PDE1C: variants seen among roughly 807,000 people sequenced by gnomAD.
PDE1C encodes dual specificity calcium/calmodulin-dependent 3',5'-cyclic nucleotide phosphodiesterase 1C.
Under a neutral mutation model 93.1 loss-of-function variants are expected in PDE1C, and 62 were observed. The observed-to-expected ratio is 0.67, with a 90% CI of 0.54 to 0.82. The LOEUF (loss-of-function observed/expected upper bound fraction) is 0.82. Ranked by LOEUF, PDE1C falls within the 40% of genes least tolerant of loss-of-function variation. PDE1C has a pLI of 0.00. For missense variants in PDE1C, 742 were observed against 884.6 expected, an observed-to-expected ratio of 0.84 and a Z score of 2.04; for synonymous variants, 325 against 310.1, an observed-to-expected ratio of 1.05 and a Z score of -0.50.
intron 2 of PDE1C, among the ~76,000 whole-genome samples, chr7:31,923,957 CT>C (rs1373473586): frequency 4.6e-5 from 7 of 152,162 alleles, no homozygotes; most frequent in African/African-American, 1.7e-4. Flanking sequence ...CTAAGATGAA[CT>C]TTTTTTCTAT....
intron 2 of PDE1C, among the ~76,000 whole-genome samples, chr7:31,897,869 TA>T (rs1324840033): frequency 6.6e-6 from 1 of 152,148 alleles, no homozygotes; most frequent in Non-Finnish European, 1.5e-5. Flanking sequence ...TAAATATATA[TA>T]TTTTTTCCTT....
chr7:32,245,801 C>A (rs558509918), intron 1 of PDE1C, among the ~76,000 whole-genome samples: 93 of 152,196 alleles, frequency 6.1e-4, no homozygotes, highest in Non-Finnish European at 1.1e-3. Flanking sequence ...TTGCTGTGTC[C>A]TCACATGGTG....
At chr7:31,714,479 C>T in the PDE1C span, among the ~76,000 whole-genome samples, 1 of 152,344 alleles carries the variant, frequency 6.6e-6, no homozygotes, top group South Asian at 2.1e-4. Flanking sequence ...ACCTGTTACC[C>T]AGTTCCAAAG....
At chr7:32,331,373 T>C (rs2128077090) in intron 1 of PDE1C, among the ~76,000 whole-genome samples, 1 of 152,310 alleles carries the variant, frequency 6.6e-6, no homozygotes, top group South Asian at 2.1e-4. Context: ...TCATGGAGTT[T>C]ACAGGTTAGT....
intron 2 of PDE1C, among the ~76,000 whole-genome samples, chr7:32,173,341 A>C (rs913823294): frequency 1.3e-5 from 2 of 152,098 alleles, no homozygotes; most frequent in South Asian, 4.2e-4. Flanking sequence ...GAGGAGAACA[A>C]CACACACCAG....
Position 32,139,342 on chromosome 7 carries a change from A to G in PDE1C, c.308+30443T>C, listed in dbSNP as rs980563285. Among the ~76,000 whole-genome samples the G allele has an allele frequency of 3.2e-5, 4 of 124,770 alleles. No homozygotes were observed. In the South Asian group the frequency reaches 1.0e-3, roughly 31 times the overall value. The allele number at this position is 124,770 out of a possible 152,430, so 81.9% of individuals were successfully genotyped here. On this transcript the variant is annotated intron_variant, in intron 3 of 18. Coordinates refer to the PDE1C transcript ENST00000396193. ...TTTTTTTTTGAGACCAAATCTTGCT[A>G]CATTGCCCAGGCTGGTCTCAAATCA...
At chr7:32,328,629 A>T (rs981958338) in intron 1 of PDE1C, among the ~76,000 whole-genome samples, 4 of 150,610 alleles carry the variant, frequency 2.7e-5, no homozygotes, top group Admixed American at 2.6e-4. Flanking sequence ...ACACAACCCC[A>T]TCCTCCACCC....
chr7:31,653,061 T>A, the PDE1C span: 1 of 1,073,078 alleles, frequency 9.3e-7, no homozygotes, highest in Non-Finnish European at 1.3e-6. Context: ...CAACAGTGAC[T>A]AAATAGTATA....
At chr7:32,195,482 T>G (rs1804547098) in intron 2 of PDE1C, among the ~76,000 whole-genome samples, 1 of 152,172 alleles carries the variant, frequency 6.6e-6, no homozygotes. Context: ...CTGTTCTCAT[T>G]CAAATTGTGT....
chr7:32,357,913 A>G (rs1383453534), intron 1 of PDE1C, among the ~76,000 whole-genome samples: 1 of 152,154 alleles, frequency 6.6e-6, no homozygotes, highest in Non-Finnish European at 1.5e-5. Context: ...CTTCATCTGG[A>G]GACTCAAAGT....
chr7:31,717,941 A>C, the PDE1C span, among the ~76,000 whole-genome samples: 1 of 152,208 alleles, frequency 6.6e-6, no homozygotes, highest in Non-Finnish European at 1.5e-5. Flanking sequence ...CAAATGGAGA[A>C]GCAAAGAGAA....
At chr7:31,972,736 A>G (rs1377032510) in intron 2 of PDE1C, among the ~76,000 whole-genome samples, 2 of 152,082 alleles carry the variant, frequency 1.3e-5, no homozygotes, top group Non-Finnish European at 2.9e-5. Context: ...AGCAACCTAA[A>G]ATCTCCTAAC....
At chr7:31,924,011 G>A (rs1392088147) in intron 2 of PDE1C, among the ~76,000 whole-genome samples, 2 of 152,030 alleles carry the variant, frequency 1.3e-5, no homozygotes, top group African/African-American at 4.8e-5. Context: ...TGTAGCTCTG[G>A]TTTGAAACCA....
At chr7:32,093,378 C>T (rs921508851) in intron 3 of PDE1C, among the ~76,000 whole-genome samples, 2 of 152,224 alleles carry the variant, frequency 1.3e-5, no homozygotes, top group African/African-American at 2.4e-5. Flanking sequence ...AAATCCCATT[C>T]CCTTTTGCAT....
chr7:32,085,675 C>T (rs1268527051), intron 3 of PDE1C, among the ~76,000 whole-genome samples: 1 of 149,800 alleles, frequency 6.7e-6, no homozygotes, highest in African/African-American at 2.5e-5. Context: ...GGGCTTCATC[C>T]CTGGGATGCA....
the PDE1C span, among the ~76,000 whole-genome samples, chr7:31,718,624 G>T: frequency 2.0e-5 from 3 of 152,136 alleles, no homozygotes; most frequent in South Asian, 6.2e-4. Context: ...CTAGGGGCTG[G>T]GCACATGGGG....
In PDE1C at chr7:32,016,199, A is replaced by G. The variant is rs189034790; in HGVS notation, c.128+35355T>C. 1.7e-3 allele frequency among the ~76,000 whole-genome samples: 263 copies of G among 152,360 alleles called. 1 individual carries two copies. Among genetic ancestry groups the G allele is most frequent in the Non-Finnish European group, 2.9e-3 (199 of 68,020 alleles). On this transcript the variant is annotated intron_variant, in intron 2 of 17. Coordinates refer to ENST00000396191, the MANE Select transcript of PDE1C (RefSeq NM_001191057.4). ...GCTCTGCAGGAGAAGTCACGGAGCC[A>G]TAACACTGCTGGACCTATAACACTG... is the stretch of plus-strand genomic sequence containing the variant.
intron 1 of PDE1C, among the ~76,000 whole-genome samples, chr7:32,213,158 C>G (rs957958873): frequency 6.6e-6 from 1 of 152,222 alleles, no homozygotes; most frequent in Non-Finnish European, 1.5e-5. Flanking sequence ...TAGGAAGCCC[C>G]AGGTGTGTTT....
intron 17 of PDE1C, among the ~76,000 whole-genome samples, chr7:31,767,461 G>C (rs1238487842): frequency 6.6e-6 from 1 of 152,162 alleles, no homozygotes; most frequent in Non-Finnish European, 1.5e-5. Context: ...GCAATATGAA[G>C]TGCTGGCTCC....
Sources: gnomAD v4.1 joint callset for allele counts (sites outside exome capture counted in the v4.1 genomes callset) on GRCh38, gnomAD v4.1.1 for gene constraint, MANE v1.5 for transcripts, NCBI Gene and HGNC (gene_info 2026-07-23, HGNC 2026-07-21) for gene names.